Variants in UBE4A observed in about 807,000 individuals in gnomAD.
UBE4A encodes the protein ubiquitination factor E4A.
A neutral mutation model predicts 117.9 loss-of-function variants in UBE4A; 48 were observed. The ratio of observed to expected loss-of-function variants is 0.41; its 90% confidence interval spans 0.32 to 0.52. UBE4A has a LOEUF of 0.52. Among genes scored for constraint, UBE4A ranks in the 20% least tolerant of loss-of-function variants. The probability of loss-of-function intolerance (pLI) is 0.33; values close to 1 mark genes in which losing one functional copy is unlikely to be tolerated. For missense variants in UBE4A, 1,067 were observed against 1,296.3 expected, an observed-to-expected ratio of 0.82 and a Z score of 2.72; for synonymous variants, 407 against 450.0, an observed-to-expected ratio of 0.90 and a Z score of 1.21.
At chr11:118,394,060 A>C (rs782481906) in intron 19 of UBE4A, among the ~76,000 whole-genome samples, 3 of 152,242 alleles carry the variant, frequency 2.0e-5, no homozygotes, top group Non-Finnish European at 4.4e-5. Flanking sequence ...ATGAAGCAAT[A>C]AATGGTAGCT....
intron 15 of UBE4A, 72 bp from the exon 16 acceptor site, chr11:118,386,366 G>C (rs11216863): frequency 1.3e-6 from 2 of 1,505,814 alleles, no homozygotes; most frequent in East Asian, 2.5e-5. Flanking sequence ...ATTTTGAATA[G>C]GACCTCTTAA....
intron 2 of UBE4A, among the ~76,000 whole-genome samples, chr11:118,366,722 TA>T (rs1452526747): frequency 6.6e-6 from 1 of 152,248 alleles, no homozygotes; most frequent in East Asian, 1.9e-4. Context: ...AAAGTACATA[TA>T]GACTCATATG....
chr11:118,383,612 A>C (rs1194421973), intron 13 of UBE4A, among the ~76,000 whole-genome samples: 1 of 150,636 alleles, frequency 6.6e-6, no homozygotes, highest in Non-Finnish European at 1.5e-5. Flanking sequence ...AAAAAAAAAA[A>C]CCAGCAGGCA....
intron 2 of UBE4A, among the ~76,000 whole-genome samples, chr11:118,367,808 A>G (rs1260726641): frequency 1.2e-4 from 18 of 152,070 alleles, no homozygotes; most frequent in Admixed American, 1.2e-3. Flanking sequence ...GTAAATGTTA[A>G]CTTTTTAAAT....
chr11:118,396,772 C>T lies in UBE4A; in HGVS notation c.*332C>T, dbSNP rs542538536. The T allele has an allele frequency of 2.1e-4, 42 of 199,726 alleles. No individual in the cohort carries two copies. Among genetic ancestry groups the T allele is most frequent in the Admixed American group, 4.4e-4 (7 of 15,754 alleles). The allele number at this position is 199,726 out of a possible 1,614,324, so 12.4% of individuals were successfully genotyped here. A position where few individuals can be genotyped will look rare whatever the true frequency, so the allele number is the denominator to read the frequency against. ...TATTATTTCAACTACTAAAACTTCC[C>T]GCCACCCTGCTATTTCTCTTCCAAT... On this transcript the variant is annotated 3_prime_UTR_variant, in exon 20 of 20. Transcript: ENST00000252108.
intron 5 of UBE4A, 110 bp downstream of exon 5, chr11:118,371,776 T>C: frequency 8.4e-7 from 1 of 1,189,330 alleles, no homozygotes; most frequent in Non-Finnish European, 1.1e-6. Context: ...TCATAGTATG[T>C]CTAGAAGTGA....
intron 13 of UBE4A, among the ~76,000 whole-genome samples, 161 bp downstream of exon 13, chr11:118,382,937 CATT>C (rs1312317198): frequency 4.1e-5 from 6 of 146,660 alleles, no homozygotes; most frequent in Non-Finnish European, 6.0e-5. Flanking sequence ...TTTTTTTTAA[CATT>C]ATCCCATTGT....
chr11:118,368,945 G>T (rs947363867), intron 3 of UBE4A, 141 bp downstream of exon 3: 3 of 863,814 alleles, frequency 3.5e-6, no homozygotes, highest in Admixed American at 2.7e-5. Context: ...TTATATTTCA[G>T]TGAACCTTTT....
rs137928264 is a variant in UBE4A, at chr11:118,379,721, A to G, written c.1847A>G (p.Asp616Gly). The change falls in exon 11 of 20, where the codon GAT becomes GGT. Residue 616 changes from aspartate to glycine, a missense_variant. By Grantham distance (94) the Asp-to-Gly change is moderately conservative. Coordinates refer to ENST00000252108, the MANE Select transcript of UBE4A (RefSeq NM_001204077.2). ...QPIELTFPLPDGYSSLAYVPE... is the reference protein window; with the variant it reads ...QPIELTFPLPGGYSSLAYVPE... ...ATAGAGCTAACCTTTCCTTTGCCAG[A>G]TGGCTACAGCTCTTTGGCTTATGTG... 2.4e-4 allele frequency: 388 copies of G among 1,612,352 alleles called. 1 individual carries two copies. The highest frequency in any genetic ancestry group is 3.2e-4 in the Non-Finnish European group (372 of 1,178,528).
intron 19 of UBE4A, among the ~76,000 whole-genome samples, chr11:118,393,236 G>A (rs782068842): frequency 1.3e-5 from 2 of 152,026 alleles, no homozygotes; most frequent in Non-Finnish European, 2.9e-5. Context: ...GGCCAACATG[G>A]TAAAACCCCG....
intron 1 of UBE4A, among the ~76,000 whole-genome samples, chr11:118,362,802 G>A (rs1244507936): frequency 6.6e-6 from 1 of 152,184 alleles, no homozygotes. Flanking sequence ...GACTCTGTTA[G>A]GCCTCCATAG....
At chr11:118,374,202 G>C (rs1474245684) in intron 8 of UBE4A, among the ~76,000 whole-genome samples, 1 of 152,012 alleles carries the variant, frequency 6.6e-6, no homozygotes, top group East Asian at 1.9e-4. Context: ...ACCCTTTGCT[G>C]TAGCACTGCT....
At chr11:118,381,327 A>G in intron 11 of UBE4A, 64 bp from the exon 12 acceptor site, 5 of 1,569,402 alleles carry the variant, frequency 3.2e-6, no homozygotes, top group South Asian at 2.3e-5. Context: ...AGGAATTTAA[A>G]TGTTGTTTAT....
intron 4 of UBE4A, among the ~76,000 whole-genome samples, chr11:118,370,622 TA>T (rs142959441): frequency 0.024 from 3,278 of 138,224 alleles, 39 homozygotes; most frequent in Non-Finnish European, 0.032. Context: ...AAGACCCATC[TA>T]AAAAAAAAAA....
At chr11:118,368,485 C>T in intron 2 of UBE4A, 146 bp from the exon 3 acceptor site, 3 of 939,508 alleles carry the variant, frequency 3.2e-6, no homozygotes, top group Non-Finnish European at 4.8e-6. Flanking sequence ...ATTTAACTTC[C>T]CTGACTTGAG....
chr11:118,387,544 A>G (rs945534930), intron 16 of UBE4A, among the ~76,000 whole-genome samples: 1 of 152,210 alleles, frequency 6.6e-6, no homozygotes, highest in Non-Finnish European at 1.5e-5. Flanking sequence ...GAGGGGAGGA[A>G]GTTATCAAAG....
At position 118,373,614 on chromosome 11, in the gene UBE4A, C is replaced by A; in HGVS notation, c.1045C>A (p.His349Asn). The A allele has an allele frequency of 6.2e-7, 1 of 1,614,166 alleles. No individual in the cohort carries two copies. The highest frequency in any genetic ancestry group is 1.7e-5 in the Admixed American group (1 of 60,006). Residue 349 changes from histidine (H) to asparagine (N), a missense_variant, in exon 8 of 20, where the codon CAT (histidine) becomes AAT (asparagine). By Grantham distance (68) the His-to-Asn change is moderately conservative (BLOSUM62 1). Transcript: ENST00000252108. ...LLKTPGVVEN[H>N]GYFLNPSRSS... is the part of the protein sequence containing the mutation. ...AAAGACTCCGGGTGTTGTAGAAAAT[C>A]ATGGCTACTTTTTGAATCCATCTCG...
At chr11:118,379,320 T>G in intron 10 of UBE4A, 126 bp from the exon 11 acceptor site, 1 of 1,080,514 alleles carries the variant, frequency 9.3e-7, no homozygotes, top group Non-Finnish European at 1.3e-6. Flanking sequence ...GTGAGTGCCT[T>G]CTGTGTCATT....
At chr11:118,366,341 GTA>G (rs932542744) in intron 2 of UBE4A, among the ~76,000 whole-genome samples, 6 of 152,176 alleles carry the variant, frequency 3.9e-5, no homozygotes, top group African/African-American at 1.4e-4. Flanking sequence ...TGATTTATGA[GTA>G]TGTGGTTGAG....
Sources: allele counts gnomAD v4.1 joint callset (sites outside exome capture counted in the v4.1 genomes callset), GRCh38; gene constraint gnomAD v4.1.1; transcripts MANE v1.5; gene names NCBI Gene and HGNC (gene_info 2026-07-23, HGNC 2026-07-21).